The following TPGS1 variants were observed in gnomAD, a reference collection of about 807,000 sequenced individuals.
The protein encoded by TPGS1 is gene trap ROSA b-geo 22.
In TPGS1, 18 loss-of-function variants were observed where a neutral mutation model predicts 11.9. That is an observed-to-expected ratio of 1.51 (90% CI 1.04 to 2.24). TPGS1 has a LOEUF of 2.24. TPGS1 is among the 30% of genes most tolerant of loss of function. The pLI is 0.00. For missense variants in TPGS1, 500 were observed against 443.0 expected (o/e 1.13, Z -1.16); for synonymous variants, 247 against 218.2 (o/e 1.13, Z -1.16).
chr19:511,655 G>A (rs1978799397), intron 1 of TPGS1, among the ~76,000 whole-genome samples: 1 of 152,262 alleles, frequency 6.6e-6, no homozygotes, highest in South Asian at 2.1e-4. Context: ...TGCACACCGA[G>A]GGGCCGCGTG....
At chr19:515,691 T>C (rs1978929812) in intron 1 of TPGS1, among the ~76,000 whole-genome samples, 1 of 151,152 alleles carries the variant, frequency 6.6e-6, no homozygotes, top group Non-Finnish European at 1.5e-5. Flanking sequence ...TGAGCTGAGA[T>C]TGTGCCACTG....
chr19:508,493 C>T (rs1978692869), intron 1 of TPGS1: 1 of 152,116 alleles, frequency 6.6e-6, no homozygotes, highest in African/African-American at 2.4e-5. Context: ...TGGCTGGGGC[C>T]AGTTCTGAGC....
rs546783538 is a variant in TPGS1 at position 507,559 on chromosome 19, C to G, written c.53C>G (p.Thr18Arg). The change falls in exon 1 of 2, where the codon ACG becomes AGG. Residue 18 changes from threonine to arginine, a missense_variant. Coordinates refer to ENST00000359315, the MANE Select transcript of TPGS1 (RefSeq NM_033513.3). ...GCGGTACCACCGCCGGCCGGTTTCA[C>G]GGACAGCGGCCGCCAGTCGGTATCC... ...RQAVPPPAGFTDSGRQSVSRA... is the reference protein window; with the variant it reads ...RQAVPPPAGFRDSGRQSVSRA... 3 of 1,401,012 alleles carry G rather than the reference C, an allele frequency of 2.1e-6. No individual in the cohort carries two copies. In the South Asian group the frequency reaches 4.7e-5, roughly 22 times the overall value. 86.8% of individuals were successfully genotyped at this position (1,401,012 alleles called of 1,614,324 possible).
intron 1 of TPGS1, among the ~76,000 whole-genome samples, chr19:515,730 CTG>C (rs1271927980): frequency 1.3e-5 from 2 of 150,152 alleles, no homozygotes; most frequent in African/African-American, 4.9e-5. Flanking sequence ...GAGTGAGACA[CTG>C]TCTCAAAAAA....
Position 507,589 on chromosome 19 carries a change from C to G in TPGS1, c.83C>G (p.Ala28Gly). 1 of 1,397,708 alleles carries G rather than the reference C, an allele frequency of 7.2e-7. No individual in the cohort carries two copies. The highest frequency in any genetic ancestry group is 9.4e-7 in the Non-Finnish European group (1 of 1,068,822). 86.6% of individuals were successfully genotyped at this position (1,397,708 alleles called of 1,614,324 possible). ...AGCGGCCGCCAGTCGGTATCCCGGG[C>G]GGCGGGGGCGGCCGAGAGCGAGGAG... is the stretch of plus-strand genomic sequence containing the variant. ...TDSGRQSVSR[A>G]AGAAESEEDF... Residue 28 changes from alanine (A) to glycine (G), a missense_variant, in exon 1 of 2, where the codon GCG becomes GGG. Physicochemically the swap from Ala to Gly is moderately conservative, Grantham distance 60. Coordinates refer to ENST00000359315, the MANE Select transcript of TPGS1 (RefSeq NM_033513.3).
intron 1 of TPGS1, among the ~76,000 whole-genome samples, chr19:518,005 G>A (rs567056629): frequency 1.8e-5 from 2 of 108,442 alleles, no homozygotes; most frequent in South Asian, 3.9e-4. Context: ...GGAGGAGGCC[G>A]AGGCTGGGGG....
At position 507,663 on chromosome 19, in the gene TPGS1, C is replaced by G; in HGVS notation, c.157C>G (p.Leu53Val). The G allele has an allele frequency of 7.2e-7, 1 of 1,386,576 alleles. No individual in the cohort carries two copies. The highest frequency in any genetic ancestry group is 9.5e-7 in the Non-Finnish European group (1 of 1,056,980). The allele number at this position is 1,386,576 out of a possible 1,614,324, so 85.9% of individuals were successfully genotyped here. A position where few individuals can be genotyped will look rare whatever the true frequency, so the allele number is the denominator to read the frequency against. Residue 53 changes from leucine (L) to valine (V), a missense_variant, in exon 1 of 2, where the codon CTG becomes GTG. Coordinates refer to ENST00000359315, the MANE Select transcript of TPGS1 (RefSeq NM_033513.3). ...GACGGAAATGCTACGTGCGGCCCTG[C>G]TGAAGGTGCTGGAGGCGCGGCCCGA... ...GVTEMLRAAL[L>V]KVLEARPEEP...
At chr19:514,102 C>T (rs2145833353) in intron 1 of TPGS1, among the ~76,000 whole-genome samples, 1 of 151,902 alleles carries the variant, frequency 6.6e-6, no homozygotes, top group South Asian at 2.1e-4. Flanking sequence ...TGTACCAGCC[C>T]TGCATTCACT....
chr19:512,672 G>A (rs1367755459), intron 1 of TPGS1, among the ~76,000 whole-genome samples: 2 of 152,236 alleles, frequency 1.3e-5, no homozygotes, highest in African/African-American at 2.4e-5. Flanking sequence ...GGAGGGATCC[G>A]CGGAGCAGCG....
intron 1 of TPGS1, among the ~76,000 whole-genome samples, chr19:511,978 TCTC>T (rs1978810075): frequency 6.6e-6 from 1 of 152,038 alleles, no homozygotes; most frequent in South Asian, 2.1e-4. Flanking sequence ...TTGACGCCAT[TCTC>T]CTGCCTCAGC....
At chr19:512,647 G>A (rs76481528) in intron 1 of TPGS1, among the ~76,000 whole-genome samples, 8,423 of 151,266 alleles carry the variant, frequency 0.056, 282 homozygotes, top group South Asian at 0.1. Flanking sequence ...GAGAAGTGGC[G>A]GGTGGAGAAG....
At chr19:513,038 C>A (rs574800197) in intron 1 of TPGS1, among the ~76,000 whole-genome samples, 1 of 152,230 alleles carries the variant, frequency 6.6e-6, no homozygotes, top group African/African-American at 2.4e-5. Flanking sequence ...CAGAGCCTCG[C>A]AGCAAAGCCG....
At chr19:509,492 A>T (rs1978723032) in intron 1 of TPGS1, 2 of 152,456 alleles carry the variant, frequency 1.3e-5, no homozygotes, top group Non-Finnish European at 2.9e-5. Flanking sequence ...GGAGGGCAGA[A>T]GTCTGAAATC....
intron 1 of TPGS1, among the ~76,000 whole-genome samples, chr19:514,574 C>G (rs574569951): frequency 6.6e-6 from 1 of 152,232 alleles, no homozygotes; most frequent in African/African-American, 2.4e-5. Context: ...TTCCCCGGCA[C>G]CTACCACAGG....
In TPGS1 at chr19:519,226, G is replaced by C; in HGVS notation, c.676G>C (p.Glu226Gln). Residue 226 changes from glutamate to glutamine, a missense_variant, in exon 2 of 2, where the codon GAG becomes CAG. Physicochemically the swap from Glu to Gln is conservative, Grantham distance 29. Transcript: ENST00000359315. The part of the protein sequence containing the change: ...RVGQAVLDTL[E>Q]GALQASDAAA... ...GGGCCAGGCCGTGCTGGACACCCTGGAGGGCGCGCTGCAGGCCAGCGACGC... is the reference window on the plus strand; with the variant it reads ...GGGCCAGGCCGTGCTGGACACCCTGCAGGGCGCGCTGCAGGCCAGCGACGC... 11 of 1,358,924 alleles carry C rather than the reference G, an allele frequency of 8.1e-6. No individual in the cohort carries two copies. Among genetic ancestry groups the C allele is most frequent in the South Asian group, 5.2e-5 (3 of 57,918 alleles). 84.2% of individuals were successfully genotyped at this position (1,358,924 alleles called of 1,614,324 possible). A position where few individuals can be genotyped will look rare whatever the true frequency, so the allele number is the denominator to read the frequency against.
At chr19:514,721 A>G (rs1196128028) in intron 1 of TPGS1, among the ~76,000 whole-genome samples, 2 of 152,250 alleles carry the variant, frequency 1.3e-5, no homozygotes, top group African/African-American at 2.4e-5. Flanking sequence ...ACCCTTGGCC[A>G]GACCATGGGG....
At position 519,572 on chromosome 19, in the gene TPGS1, C is replaced by G; in HGVS notation, c.*149C>G. ...CCGGGGCTCCCAGGAAGCGGACGCC[C>G]GGTCCCCACACAGCGCCGCGGCCGC... On this transcript the variant is annotated 3_prime_UTR_variant, in exon 2 of 2. Coordinates refer to ENST00000359315, the MANE Select transcript of TPGS1 (RefSeq NM_033513.3). 3 of 697,600 alleles carry G rather than the reference C, an allele frequency of 4.3e-6. No homozygotes were observed. The highest frequency in any genetic ancestry group is 7.2e-5 in the South Asian group (1 of 13,876). 43.2% of individuals were successfully genotyped at this position (697,600 alleles called of 1,614,324 possible).
chr19:515,834 C>G (rs964381797), intron 1 of TPGS1, among the ~76,000 whole-genome samples: 1 of 152,042 alleles, frequency 6.6e-6, no homozygotes, highest in African/African-American at 2.4e-5. Flanking sequence ...AGATCGAGAC[C>G]ATCCCGGCTA....
chr19:507,918 T>C, intron 1 of TPGS1, 74 bp downstream of exon 1: 1 of 1,116,530 alleles, frequency 9.0e-7, no homozygotes, highest in Non-Finnish European at 1.1e-6. Flanking sequence ...CGCGGCTCCC[T>C]ACCCGCAGCG....
Sources: gnomAD v4.1 joint callset for allele counts (sites outside exome capture counted in the v4.1 genomes callset) on GRCh38, gnomAD v4.1.1 for gene constraint, MANE v1.5 for transcripts, NCBI Gene and HGNC (gene_info 2026-07-23, HGNC 2026-07-21) for gene names.